Variants in FGF14 observed in about 807,000 individuals in gnomAD.
The protein encoded by FGF14 is fibroblast growth factor 14, also known as fibroblast growth factor homologous factor 4.
A neutral mutation model predicts 25.5 loss-of-function variants in FGF14; 5 were observed. The observed-to-expected ratio is 0.20, with a 90% CI of 0.10 to 0.41. The LOEUF is 0.41. Among genes scored for constraint, FGF14 ranks in the 10% least tolerant of loss-of-function variants. The pLI, the probability that FGF14 is intolerant of heterozygous loss-of-function variation, is 1.00. For missense variants in FGF14, 222 were observed against 320.1 expected, an observed-to-expected ratio of 0.69 and a Z score of 2.34; for synonymous variants, 138 against 118.3, an observed-to-expected ratio of 1.17 and a Z score of -1.08.
chr13:102,022,860 T>C (rs1253948791), intron 1 of FGF14, among the ~76,000 whole-genome samples: 1 of 152,090 alleles, frequency 6.6e-6, no homozygotes, highest in African/African-American at 2.4e-5. Context: ...AAACTTTAAA[T>C]GTAACTTCCC....
At chr13:101,998,557 T>C (rs573165969) in intron 1 of FGF14, among the ~76,000 whole-genome samples, 10 of 152,216 alleles carry the variant, frequency 6.6e-5, no homozygotes, top group African/African-American at 1.9e-4. Context: ...TCTTGAAAGA[T>C]TGTTGTTTAT....
intron 1 of FGF14, among the ~76,000 whole-genome samples, chr13:101,915,759 T>G (rs1377018925): frequency 6.6e-6 from 1 of 152,130 alleles, no homozygotes; most frequent in South Asian, 2.1e-4. Flanking sequence ...ATATTAGGGA[T>G]TTTTACTTCT....
chr13:102,243,655 G>GTTTTTTT (rs3066872), intron 1 of FGF14, among the ~76,000 whole-genome samples: 1 of 142,194 alleles, frequency 7.0e-6, no homozygotes, highest in Non-Finnish European at 1.5e-5. Flanking sequence ...CTTTGGGCAT[G>GTTTTTTT]TTTTTTTTTT....
At chr13:101,979,415 T>C (rs1431356769) in intron 1 of FGF14, among the ~76,000 whole-genome samples, 1 of 152,186 alleles carries the variant, frequency 6.6e-6, no homozygotes, top group African/African-American at 2.4e-5. Flanking sequence ...ACTTCCTTTA[T>C]CTCACTGAAT....
intron 1 of FGF14, among the ~76,000 whole-genome samples, chr13:102,000,584 A>T (rs1926018): frequency 5.6e-4 from 85 of 151,848 alleles, no homozygotes; most frequent in African/African-American, 1.9e-3. Flanking sequence ...AAAGAAAAAA[A>T]GGTATCTGAA....
chr13:101,985,172 C>G lies in FGF14; in HGVS notation c.209-109876G>C, dbSNP rs1052753607. On this transcript the variant is annotated intron_variant, in intron 1 of 4. Transcript: ENST00000376131. ...TTCTACTCCTATAGAAGCAGACCCT[C>G]AGGCTACTTTTATCATCTTCAAAAA... Among the ~76,000 whole-genome samples the G allele has an allele frequency of 2.0e-5, 3 of 151,374 alleles. No homozygotes were observed. In the East Asian group the frequency reaches 5.8e-4, roughly 29 times the overall value.
chr13:101,724,949 A>G (rs1203328690), intron 4 of FGF14, among the ~76,000 whole-genome samples: 1 of 151,952 alleles, frequency 6.6e-6, no homozygotes, highest in Non-Finnish European at 1.5e-5. Context: ...GTATCATTCT[A>G]TACCACATCA....
At chr13:101,893,745 C>T (rs1286323302) in intron 1 of FGF14, among the ~76,000 whole-genome samples, 1 of 152,124 alleles carries the variant, frequency 6.6e-6, no homozygotes, top group Non-Finnish European at 1.5e-5. Flanking sequence ...CAAAAAGGAT[C>T]AGAGCCCTAC....
chr13:101,947,006 A>C (rs2035853287), intron 1 of FGF14, among the ~76,000 whole-genome samples: 1 of 152,188 alleles, frequency 6.6e-6, no homozygotes, highest in African/African-American at 2.4e-5. Context: ...GCAATCCTAA[A>C]GATAAATTTT....
chr13:102,114,520 T>C (rs936516200), intron 1 of FGF14, among the ~76,000 whole-genome samples: 2 of 152,202 alleles, frequency 1.3e-5, no homozygotes, highest in Admixed American at 1.3e-4. Flanking sequence ...GTTATGTTCA[T>C]TGCAACATTA....
chr13:102,296,773 T>C (rs2054734669), intron 1 of FGF14, among the ~76,000 whole-genome samples: 1 of 152,156 alleles, frequency 6.6e-6, no homozygotes, highest in Non-Finnish European at 1.5e-5. Context: ...CCAGGGAAAC[T>C]AGAATTCAGC....
At chr13:101,985,133 T>A (rs909934073) in intron 1 of FGF14, among the ~76,000 whole-genome samples, 2 of 151,296 alleles carry the variant, frequency 1.3e-5, no homozygotes, top group Non-Finnish European at 2.9e-5. Flanking sequence ...GAAATTAGTT[T>A]CAGAAAACAG....
chr13:102,276,929 T>G lies in FGF14; in HGVS notation c.208+124542A>C, dbSNP rs1020809270. Among the ~76,000 whole-genome samples the G allele has an allele frequency of 2.6e-5, 4 of 152,332 alleles. 1 individual carries two copies. On this transcript the variant is annotated intron_variant, in intron 1 of 4. Coordinates refer to the FGF14 transcript ENST00000376131. ...GTATCTGTGCTGATGGTCACCTATC[T>G]AAAATTAATGGAGGCCAAGAAGCAA...
chr13:102,360,711 T>A (rs1215555627), intron 1 of FGF14, among the ~76,000 whole-genome samples: 1 of 152,164 alleles, frequency 6.6e-6, no homozygotes, highest in African/African-American at 2.4e-5. Context: ...AGCAAAATTA[T>A]CAGACTGTCC....
intron 1 of FGF14, among the ~76,000 whole-genome samples, chr13:101,900,929 T>C (rs895887521): frequency 1.4e-4 from 22 of 152,290 alleles, no homozygotes; most frequent in African/African-American, 5.3e-4. Flanking sequence ...ATCTTCAATA[T>C]ATAGGTTATT....
At chr13:101,740,327 CAG>C (rs1197352283) in intron 3 of FGF14, among the ~76,000 whole-genome samples, 2 of 152,138 alleles carry the variant, frequency 1.3e-5, no homozygotes, top group African/African-American at 4.8e-5. Context: ...ATGTCACACT[CAG>C]ATACAAATTT....
intron 1 of FGF14, among the ~76,000 whole-genome samples, chr13:102,179,540 A>G (rs905765842): frequency 9.9e-5 from 15 of 152,144 alleles, no homozygotes; most frequent in Admixed American, 9.2e-4. Context: ...CAGATGAATA[A>G]CACTTATATA....
intron 3 of FGF14, among the ~76,000 whole-genome samples, chr13:101,743,364 G>A (rs2036676053): frequency 6.6e-6 from 1 of 152,114 alleles, no homozygotes; most frequent in Middle Eastern, 3.2e-3. Flanking sequence ...ACCAATTGTG[G>A]AATTCTACAA....
rs187609615 is a variant in FGF14, at chr13:102,062,628, T to A, written c.209-187332A>T. 1.4e-4 allele frequency among the ~76,000 whole-genome samples: 22 copies of A among 152,320 alleles called. No homozygotes were observed. The East Asian group carries it at 4.2e-3, about 29-fold the overall frequency. On this transcript the variant is annotated intron_variant, in intron 1 of 4. Transcript: ENST00000376131. The stretch of plus-strand genomic sequence containing the variant: ...AAGCAGGTAAATGTAAACATTTGAA[T>A]GAAATGAATCATTTGAAACAAATTT...
Sources: gnomAD v4.1 joint callset for allele counts (sites outside exome capture counted in the v4.1 genomes callset) on GRCh38, gnomAD v4.1.1 for gene constraint, MANE v1.5 for transcripts, NCBI Gene and HGNC (gene_info 2026-07-23, HGNC 2026-07-21) for gene names.